The following MB21D2 variants were observed in gnomAD, a reference collection of about 807,000 sequenced individuals.
MB21D2 encodes nucleotidyltransferase MB21D2.
Under a neutral mutation model 33.3 loss-of-function variants are expected in MB21D2, and 9 were observed. The ratio of observed to expected loss-of-function variants is 0.27; its 90% CI spans 0.16 to 0.47. The LOEUF (loss-of-function observed/expected upper bound fraction) is 0.47, where lower values mean the gene tolerates loss of function less well. MB21D2 is among the 20% of genes least tolerant of loss of function. The probability of loss-of-function intolerance (pLI) is 0.99; values close to 1 mark genes in which losing one functional copy is unlikely to be tolerated. For missense variants in MB21D2, 540 were observed against 624.6 expected (o/e 0.86, Z 1.44); for synonymous variants, 241 against 236.3 (o/e 1.02, Z -0.18).
intron 1 of MB21D2, among the ~76,000 whole-genome samples, chr3:192,877,564 C>T (rs781626878): frequency 5.3e-5 from 8 of 152,204 alleles, no homozygotes; most frequent in Admixed American, 2.0e-4. Flanking sequence ...GTGTCAGTGA[C>T]TCTACAGTCA....
At chr3:192,916,298 C>T (rs760424161) in intron 1 of MB21D2, among the ~76,000 whole-genome samples, 2 of 152,026 alleles carry the variant, frequency 1.3e-5, no homozygotes, top group Non-Finnish European at 2.9e-5. Flanking sequence ...CGGACACAGA[C>T]ACGTTCAGTC....
At chr3:192,890,858 T>C (rs544952824) in intron 1 of MB21D2, among the ~76,000 whole-genome samples, 1 of 152,138 alleles carries the variant, frequency 6.6e-6, no homozygotes, top group African/African-American at 2.4e-5. Context: ...AAATACTAGG[T>C]CCACGCAGAG....
intron 1 of MB21D2, among the ~76,000 whole-genome samples, chr3:192,802,248 C>T (rs781393269): frequency 1.3e-4 from 20 of 152,198 alleles, no homozygotes; most frequent in Non-Finnish European, 2.8e-4. Context: ...TCTGAGTTCC[C>T]AGTGGGGTTG....
intron 1 of MB21D2, among the ~76,000 whole-genome samples, chr3:192,855,596 T>C (rs1712899177): frequency 6.6e-6 from 1 of 152,212 alleles, no homozygotes; most frequent in South Asian, 2.1e-4. Flanking sequence ...ATTTTACAAA[T>C]AAGGAAACTG....
intron 1 of MB21D2, among the ~76,000 whole-genome samples, chr3:192,819,337 T>C (rs1482325988): frequency 2.6e-5 from 4 of 152,208 alleles, no homozygotes; most frequent in Non-Finnish European, 5.9e-5. Context: ...CAGGGTTGCC[T>C]GAATCCAAAA....
chr3:192,811,835 G>C (rs555176276), intron 1 of MB21D2, among the ~76,000 whole-genome samples: 163 of 152,232 alleles, frequency 1.1e-3, no homozygotes, highest in African/African-American at 3.5e-3. Context: ...CCATCAGAGT[G>C]GAGCTTTGTT....
intron 1 of MB21D2, among the ~76,000 whole-genome samples, chr3:192,889,691 C>T (rs951518360): frequency 1.3e-5 from 2 of 151,858 alleles, no homozygotes; most frequent in Non-Finnish European, 2.9e-5. Context: ...CAAGCCCAAG[C>T]CAAAATACCT....
Position 192,890,586 on chromosome 3 carries a change from GAA to G in MB21D2, c.211+27042_211+27043del, listed in dbSNP as rs796870011. On this transcript the variant is annotated intron_variant, in intron 1 of 1. Coordinates refer to ENST00000392452, the MANE Select transcript of MB21D2 (RefSeq NM_178496.4). ...ATCTGTTCTGTAAGCAATGATTACA[GAA>G]AAAAAAAAAAAAATCCTACCTATAA... 1.2e-3 allele frequency among the ~76,000 whole-genome samples: 145 copies of G among 125,216 alleles called. 1 individual carries two copies. Among genetic ancestry groups the G allele is most frequent in the African/African-American group, 3.9e-3 (138 of 35,428 alleles). The allele number at this position is 125,216 out of a possible 152,430, so 82.1% of individuals were successfully genotyped here.
intron 1 of MB21D2, among the ~76,000 whole-genome samples, chr3:192,835,296 A>G (rs1303252559): frequency 6.6e-6 from 1 of 151,290 alleles, no homozygotes; most frequent in Non-Finnish European, 1.5e-5. Context: ...CTACAAAAAA[A>G]TACAAAAAAA....
intron 1 of MB21D2, among the ~76,000 whole-genome samples, chr3:192,838,492 G>A (rs562590895): frequency 6.0e-5 from 9 of 148,834 alleles, no homozygotes; most frequent in Admixed American, 1.3e-4. Flanking sequence ...GCAGTGGCGC[G>A]ATCTCGGCTC....
chr3:192,881,461 T>C (rs1713564169), intron 1 of MB21D2, among the ~76,000 whole-genome samples: 2 of 152,128 alleles, frequency 1.3e-5, no homozygotes, highest in South Asian at 4.1e-4. Flanking sequence ...CTCCCCATTA[T>C]TTTTGGTAAT....
At chr3:192,877,396 T>C (rs1016579548) in intron 1 of MB21D2, among the ~76,000 whole-genome samples, 1 of 152,176 alleles carries the variant, frequency 6.6e-6, no homozygotes, top group African/African-American at 2.4e-5. Flanking sequence ...CTGACAATCA[T>C]TTTGAGTGTT....
At chr3:192,800,391 T>C (rs796956476) in intron 1 of MB21D2, among the ~76,000 whole-genome samples, 3 of 152,266 alleles carry the variant, frequency 2.0e-5, no homozygotes, top group African/African-American at 7.2e-5. Flanking sequence ...TGTCTGACTT[T>C]TTTACTGTGT....
At chr3:192,860,221 G>A (rs933344686) in intron 1 of MB21D2, among the ~76,000 whole-genome samples, 7 of 152,200 alleles carry the variant, frequency 4.6e-5, no homozygotes, top group Admixed American at 2.6e-4. Context: ...CGTGCTGACC[G>A]ACCCAGAAAA....
chr3:192,838,141 C>A (rs1402560022), intron 1 of MB21D2, among the ~76,000 whole-genome samples: 1 of 152,188 alleles, frequency 6.6e-6, no homozygotes, highest in African/African-American at 2.4e-5. Context: ...AGTCATTGAC[C>A]AGAGGCCTCA....
chr3:192,834,388 G>A (rs1222776916), intron 1 of MB21D2, among the ~76,000 whole-genome samples: 2 of 143,456 alleles, frequency 1.4e-5, no homozygotes, highest in African/African-American at 5.2e-5. Context: ...ATAAGGACAT[G>A]AGGACTGAGG....
At chr3:192,872,972 C>A (rs1171685796) in intron 1 of MB21D2, among the ~76,000 whole-genome samples, 6 of 150,638 alleles carry the variant, frequency 4.0e-5, no homozygotes, top group Non-Finnish European at 8.8e-5. Context: ...TGATACTCAG[C>A]AAAACACTAA....
Position 192,900,263 on chromosome 3 carries a change from T to C in MB21D2, c.211+17367A>G, listed in dbSNP as rs1333844111. ...CACTGTCACTGCACTCCAGCCTGGG[T>C]GACAGAGCAAGACTCTGTCTCAAAA... On this transcript the variant is annotated intron_variant, in intron 1 of 1. Coordinates refer to ENST00000392452, the MANE Select transcript of MB21D2 (RefSeq NM_178496.4). 8.0e-5 allele frequency among the ~76,000 whole-genome samples: 10 copies of C among 125,332 alleles called. No individual in the cohort carries two copies. In the East Asian group the frequency reaches 2.2e-3, roughly 28 times the overall value. 82.2% of individuals were successfully genotyped at this position (125,332 alleles called of 152,430 possible). A position where few individuals can be genotyped will look rare whatever the true frequency, so the allele number is the denominator to read the frequency against.
chr3:192,860,188 A>AC (rs1713010405), intron 1 of MB21D2, among the ~76,000 whole-genome samples: 1 of 151,976 alleles, frequency 6.6e-6, no homozygotes, highest in African/African-American at 2.4e-5. Flanking sequence ...CCAAAAGCCT[A>AC]CCTCCCTCTT....
Sources: allele counts gnomAD v4.1 joint callset (sites outside exome capture counted in the v4.1 genomes callset), GRCh38; gene constraint gnomAD v4.1.1; transcripts MANE v1.5; gene names NCBI Gene and HGNC (gene_info 2026-07-23, HGNC 2026-07-21).